LSP1: variants seen among roughly 807,000 people sequenced by gnomAD.
LSP1 encodes lymphocyte specific protein 1, also known as lymphocyte-specific protein 1.
LSP1 carries 32 observed loss-of-function variants against 49.3 expected under a neutral mutation model. That is an observed-to-expected ratio of 0.65 (90% CI 0.49 to 0.87). The LOEUF is 0.87. Among genes scored for constraint, LSP1 ranks in the 40% least tolerant of loss-of-function variants. The pLI is 0.00. For missense variants in LSP1, 428 were observed against 442.6 expected, an observed-to-expected ratio of 0.97 and a Z score of 0.30; for synonymous variants, 179 against 178.8, an observed-to-expected ratio of 1.00 and a Z score of -0.01.
At position 1,880,154 on chromosome 11, in the gene LSP1, G is replaced by T. The variant is rs1589825542; in HGVS notation, c.121G>T (p.Asp41Tyr). ...AVHEQCQHER[D>Y]RQLQAQDEEG... ...CCACGAGCAATGCCAGCATGAGAGA[G>T]ACAGGCAGCTTCAGGCCCAGGACGA... Residue 41 changes from aspartate (D) to tyrosine (Y), a missense_variant, in exon 2 of 11, where the codon GAC (aspartate) becomes TAC (tyrosine). Coordinates refer to ENST00000311604, the MANE Select transcript of LSP1 (RefSeq NM_002339.3). 1.2e-6 allele frequency: 2 copies of T among 1,607,554 alleles called. No homozygotes were observed. Among genetic ancestry groups the T allele is most frequent in the East Asian group, 2.3e-5 (1 of 44,328 alleles).
chr11:1,869,945 T>TGGGGGTTG (rs1847929645), intron 1 of LSP1, among the ~76,000 whole-genome samples: 1 of 151,958 alleles, frequency 6.6e-6, no homozygotes, highest in African/African-American at 2.4e-5. Context: ...ACCCGGTTCT[T>TGGGGGTTG]GGGGGTTGAG....
intron 1 of LSP1, among the ~76,000 whole-genome samples, chr11:1,858,306 C>T (rs1847539021): frequency 6.6e-6 from 1 of 152,192 alleles, no homozygotes. Context: ...CTCTCTGACC[C>T]CACACCACAC....
intron 1 of LSP1, among the ~76,000 whole-genome samples, chr11:1,853,567 G>C (rs1048174323): frequency 6.6e-6 from 1 of 152,202 alleles, no homozygotes; most frequent in African/African-American, 2.4e-5. Flanking sequence ...GAGGCAAGGT[G>C]GGGGCTGGGG....
At chr11:1,861,172 T>C (rs1404925759) in intron 1 of LSP1, among the ~76,000 whole-genome samples, 1 of 152,234 alleles carries the variant, frequency 6.6e-6, no homozygotes, top group African/African-American at 2.4e-5. Context: ...CTTCTTTCCA[T>C]GAGGCTTTCA....
chr11:1,873,390 G>A lies in LSP1; in HGVS notation c.54-6697G>A, dbSNP rs118121658. Among the ~76,000 whole-genome samples, 27 of 152,148 alleles carry A rather than the reference G, an allele frequency of 1.8e-4. No individual in the cohort carries two copies. The South Asian group carries it at 3.7e-3, about 21-fold the overall frequency. ...GCTTCTTGATCCACATCATGGGTCA[G>A]CGCTGGTTTCTTGGCAACTGCTAAG... On this transcript the variant is annotated intron_variant, in intron 1 of 10. Transcript: ENST00000311604.
chr11:1,870,989 C>T, intron 1 of LSP1: 6 of 985,650 alleles, frequency 6.1e-6, no homozygotes, highest in Non-Finnish European at 7.2e-6. Flanking sequence ...TATCAGGGCT[C>T]CTTGGTCCCC....
In LSP1 at chr11:1,884,559, A is replaced by C; in HGVS notation, c.695A>C (p.Glu232Ala). The change falls in exon 7 of 11, where the codon GAA (glutamate) becomes GCA (alanine). Residue 232 changes from glutamate to alanine, a missense_variant. Coordinates refer to ENST00000311604, the MANE Select transcript of LSP1 (RefSeq NM_002339.3). This position sits in a 1 kb window ranked among gnomAD's most constrained non-coding sequence, Gnocchi z 4.1. ...ATCTCCAAGATTGATCAGTGGCTGGAACAATACACCCAGGCCATCGAGGTA... is the reference window on the plus strand; with the variant it reads ...ATCTCCAAGATTGATCAGTGGCTGGCACAATACACCCAGGCCATCGAGGTA... ...LPISKIDQWL[E>A]QYTQAIETAG... 1 of 1,613,624 alleles carries C rather than the reference A, an allele frequency of 6.2e-7. No individual in the cohort carries two copies. Among genetic ancestry groups the C allele is most frequent in the Non-Finnish European group, 8.5e-7 (1 of 1,179,908 alleles).
intron 1 of LSP1, among the ~76,000 whole-genome samples, chr11:1,857,360 G>A (rs926874248): frequency 2.0e-5 from 3 of 152,346 alleles, no homozygotes; most frequent in African/African-American, 7.2e-5. Context: ...TGGGGTGGCA[G>A]GATGGTGGGC....
intron 1 of LSP1, among the ~76,000 whole-genome samples, chr11:1,857,416 C>T (rs1027524093): frequency 2.2e-4 from 34 of 152,200 alleles, no homozygotes; most frequent in African/African-American, 8.0e-4. Flanking sequence ...ACCTCAGTTC[C>T]CTGAGAACGT....
chr11:1,888,995 C>G lies in LSP1; in HGVS notation c.*13+1419C>G, dbSNP rs573280421. On this transcript the variant is annotated intron_variant, in intron 10 of 10. Transcript: ENST00000311604. ...CTAACCATGCAGACTTCCCTCAGCA[C>G]CCCATGTGCCCTTCCCAGGCTGCCC... 11 of 547,746 alleles carry G rather than the reference C, an allele frequency of 2.0e-5. No individual in the cohort carries two copies. In the African/African-American group the frequency reaches 2.2e-4, roughly 11 times the overall value. 33.9% of individuals were successfully genotyped at this position (547,746 alleles called of 1,614,324 possible).
rs144608157 is a variant in LSP1, at chr11:1,890,227, T to C, written c.*14-1546T>C. 2,201 of 715,588 alleles carry C rather than the reference T, an allele frequency of 3.1e-3. 28 individuals carry two copies. The African/African-American group carries it at 0.032, about 10-fold the overall frequency. The allele number at this position is 715,588 out of a possible 1,614,324, so 44.3% of individuals were successfully genotyped here. On this transcript the variant is annotated intron_variant, in intron 10 of 10. Transcript: ENST00000311604. Reference sequence around the variant, plus strand: ...TGCAGGGGTGATGCCACGTGGTGGATGATGGGGGTGTGCGGGGAGCGGGGT... The same window carrying C: ...TGCAGGGGTGATGCCACGTGGTGGACGATGGGGGTGTGCGGGGAGCGGGGT...
At chr11:1,866,289 C>T (rs1480152913) in intron 1 of LSP1, among the ~76,000 whole-genome samples, 1 of 152,200 alleles carries the variant, frequency 6.6e-6, no homozygotes, top group Non-Finnish European at 1.5e-5. Flanking sequence ...TACTGGAAGG[C>T]AGGGCTGGCA....
rs1589838484 is a variant in LSP1 at position 1,892,038 on chromosome 11, T to G, written c.*279T>G. The G allele has an allele frequency of 6.7e-6, 1 of 150,318 alleles. No individual in the cohort carries two copies. The highest frequency in any genetic ancestry group is 2.0e-4 in the East Asian group (1 of 5,090). 9.3% of individuals were successfully genotyped at this position (150,318 alleles called of 1,614,324 possible). Reference sequence around the variant, plus strand: ...CTTGGGGGAGGAAAGAAACTCCTGATCATTGGCCAAAGGGACTTACCCCTG... The same window carrying G: ...CTTGGGGGAGGAAAGAAACTCCTGAGCATTGGCCAAAGGGACTTACCCCTG... On this transcript the variant is annotated 3_prime_UTR_variant, in exon 11 of 11. Transcript: ENST00000311604.
chr11:1,871,333 G>C (rs1847998297), intron 1 of LSP1: 1 of 986,082 alleles, frequency 1.0e-6, no homozygotes, highest in East Asian at 1.1e-4. Context: ...GCCGCAGATG[G>C]GGGCAGAGAT....
intron 10 of LSP1, chr11:1,889,873 C>A: frequency 3.2e-6 from 2 of 630,794 alleles, no homozygotes; most frequent in South Asian, 3.7e-5. Context: ...AAGGGACTGG[C>A]AGCCTGGACT....
At chr11:1,855,892 C>T (rs769668786) in intron 1 of LSP1, among the ~76,000 whole-genome samples, 1 of 152,232 alleles carries the variant, frequency 6.6e-6, no homozygotes, top group South Asian at 2.1e-4. Flanking sequence ...CCTTGGAGGC[C>T]TTGAGGCGAT....
intron 1 of LSP1, 145 bp from the exon 2 acceptor site, chr11:1,879,942 C>A: frequency 1.1e-6 from 1 of 922,038 alleles, no homozygotes; most frequent in South Asian, 1.7e-5. Context: ...CAAGGTGAGG[C>A]CTGAGGGCCG....
chr11:1,874,939 C>T (rs1589820272), intron 1 of LSP1, among the ~76,000 whole-genome samples: 1 of 152,190 alleles, frequency 6.6e-6, no homozygotes, highest in Admixed American at 6.5e-5. Context: ...CCTCACCAAG[C>T]CTCTTCCCAC....
chr11:1,870,332 C>G, intron 1 of LSP1: 1 of 1,288,660 alleles, frequency 7.8e-7, no homozygotes. Context: ...GTGCCCGCAG[C>G]ACCCGGGGAC....
Sources: gnomAD v4.1 joint callset for allele counts (sites outside exome capture counted in the v4.1 genomes callset) on GRCh38, gnomAD v4.1.1 for gene constraint, Gnocchi (gnomAD v3.1) non-coding constraint, MANE v1.5 for transcripts, NCBI Gene and HGNC (gene_info 2026-07-23, HGNC 2026-07-21) for gene names.